Variants in GAK observed in about 807,000 individuals in gnomAD.
The protein encoded by GAK is cyclin-G-associated kinase.
GAK carries 79 observed loss-of-function variants against 143.9 expected under a neutral mutation model. That is an observed-to-expected ratio of 0.55 (90% CI 0.46 to 0.66). The LOEUF is 0.66. Ranked by LOEUF, GAK falls within the 30% of genes least tolerant of loss-of-function variation. The probability of loss-of-function intolerance (pLI) is 0.00; values close to 1 mark genes in which losing one functional copy is unlikely to be tolerated. For missense variants in GAK, 1,693 were observed against 1,779.7 expected (o/e 0.95, Z 0.88); for synonymous variants, 881 against 765.5 (o/e 1.15, Z -2.49).
intron 11 of GAK, chr4:888,043 T>C (rs1216894808): frequency 6.6e-6 from 1 of 152,278 alleles, no homozygotes; most frequent in Non-Finnish European, 1.5e-5. Context: ...GTCTACCTGG[T>C]GCTGGGGACA....
At chr4:896,665 C>T in intron 6 of GAK, 116 bp from the exon 7 acceptor site, 1 of 786,054 alleles carries the variant, frequency 1.3e-6, no homozygotes, top group Non-Finnish European at 2.2e-6. Flanking sequence ...GCAGCCTGTC[C>T]CGCACACTAT....
intron 1 of GAK, among the ~76,000 whole-genome samples, chr4:921,616 T>C (rs1723939031): frequency 6.6e-6 from 1 of 151,348 alleles, no homozygotes; most frequent in African/African-American, 2.4e-5. Context: ...CAAGGCGTGA[T>C]TCGTAAAAGG....
rs886075909 is a variant in GAK, at chr4:890,427, A to T, written c.1081+105T>A. 5.3e-6 allele frequency: 4 copies of T among 751,558 alleles called. No homozygotes were observed. The East Asian group carries it at 1.1e-4, about 22-fold the overall frequency. 46.6% of individuals were successfully genotyped at this position (751,558 alleles called of 1,614,324 possible). A position where few individuals can be genotyped will look rare whatever the true frequency, so the allele number is the denominator to read the frequency against. Reference sequence around the variant, plus strand: ...TCACAGTCATCTCTGGTGGGAGAGGAGGCCCCGGGAGAGAAGGACCCCAGA... The same window carrying T: ...TCACAGTCATCTCTGGTGGGAGAGGTGGCCCCGGGAGAGAAGGACCCCAGA... On this transcript the variant is annotated intron_variant, in intron 10 of 27. Coordinates refer to ENST00000314167, the MANE Select transcript of GAK (RefSeq NM_005255.4).
At chr4:900,505 C>T (rs1719668452) in intron 5 of GAK, among the ~76,000 whole-genome samples, 1 of 152,112 alleles carries the variant, frequency 6.6e-6, no homozygotes, top group Non-Finnish European at 1.5e-5. Flanking sequence ...AAAATACACA[C>T]TCAAGCCCCG....
At chr4:881,227 T>G (rs750265395) in intron 15 of GAK, among the ~76,000 whole-genome samples, 12 of 152,166 alleles carry the variant, frequency 7.9e-5, no homozygotes, top group Non-Finnish European at 1.5e-4. Context: ...GGCCGGCCTT[T>G]GCTCCTGGGC....
In GAK at chr4:851,093, G is replaced by T. The variant is rs778916468; in HGVS notation, c.3509-9C>A. ...GACTTTTGGCTTTTGAGCTAGAAAA[G>T]AACAGAAACTTTTTTTTGTTTGAGA... On this transcript the variant is annotated splice_polypyrimidine_tract_variant and intron_variant, in intron 25 of 27. Coordinates refer to ENST00000314167, the MANE Select transcript of GAK (RefSeq NM_005255.4). The T allele has an allele frequency of 6.2e-7, 1 of 1,611,804 alleles. No homozygotes were observed. Among genetic ancestry groups the T allele is most frequent in the Non-Finnish European group, 8.5e-7 (1 of 1,179,002 alleles).
intron 1 of GAK, 80 bp downstream of exon 1, chr4:931,963 C>A: frequency 9.5e-7 from 1 of 1,057,134 alleles, no homozygotes. Context: ...CACGCCCTTC[C>A]ACTCCGGGCT....
chr4:892,418 C>A (rs970517239), intron 9 of GAK, among the ~76,000 whole-genome samples: 4 of 152,226 alleles, frequency 2.6e-5, no homozygotes, highest in African/African-American at 9.6e-5. Context: ...GGCCGGGCCG[C>A]GTGTCTGCTC....
intron 4 of GAK, 48 bp from the exon 5 acceptor site, chr4:904,827 G>GACAGGGAA: frequency 6.3e-7 from 1 of 1,592,510 alleles, no homozygotes; most frequent in Non-Finnish European, 8.6e-7. Context: ...AGGGTCCGGA[G>GACAGGGAA]ACAGGGAACC....
intron 12 of GAK, 127 bp from the exon 13 acceptor site, chr4:883,590 C>A (rs1715621648): frequency 1.9e-6 from 2 of 1,074,682 alleles, no homozygotes; most frequent in South Asian, 1.4e-5. Context: ...CAGCCACTGC[C>A]CACACAGCCG....
intron 24 of GAK, among the ~76,000 whole-genome samples, chr4:856,601 G>GCTCACCACAGGTGCTCACAC (rs1749305591): frequency 1.0e-5 from 1 of 99,092 alleles, no homozygotes; most frequent in Non-Finnish European, 2.0e-5. Context: ...GGTGCTCACA[G>GCTCACCACAGGTGCTCACAC]CTGCTCACCA....
chr4:889,007 T>G, intron 10 of GAK, 37 bp from the exon 11 acceptor site: 1 of 1,592,026 alleles, frequency 6.3e-7, no homozygotes, highest in Non-Finnish European at 8.5e-7. Flanking sequence ...CCCCAGGTGC[T>G]CGGTCCCACC....
intron 23 of GAK, among the ~76,000 whole-genome samples, chr4:862,841 T>C (rs1750541508): frequency 6.6e-6 from 1 of 152,194 alleles, no homozygotes; most frequent in Non-Finnish European, 1.5e-5. Context: ...ATACGGACAA[T>C]GCAGCTGGTC....
intron 11 of GAK, chr4:887,808 A>C (rs909366738): frequency 3.9e-5 from 6 of 152,450 alleles, no homozygotes; most frequent in African/African-American, 1.4e-4. Flanking sequence ...AGCTCACACA[A>C]GGATTCACAA....
At chr4:931,733 G>C (rs1456459172) in intron 1 of GAK, among the ~76,000 whole-genome samples, 1 of 152,064 alleles carries the variant, frequency 6.6e-6, no homozygotes, top group Non-Finnish European at 1.5e-5. Context: ...CCCTGAGGGG[G>C]TTCCCCAAGC....
chr4:900,154 C>A (rs1371029772), intron 5 of GAK, among the ~76,000 whole-genome samples: 1 of 152,234 alleles, frequency 6.6e-6, no homozygotes, highest in Non-Finnish European at 1.5e-5. Context: ...CTACAGCCAA[C>A]AGAGACGAAG....
chr4:882,053 GAC>G lies in GAK; in HGVS notation c.1528-15_1528-14del. On this transcript the variant is annotated splice_polypyrimidine_tract_variant and intron_variant, in intron 14 of 27. Transcript: ENST00000314167. ...CGGCTCTCCCGTCCTAGGACAGACA[GAC>G]ACGTCTCGCGTGCGCCTCGCACTCA... is the stretch of plus-strand genomic sequence containing the variant. 2 of 1,592,644 alleles carry G rather than the reference GAC, an allele frequency of 1.3e-6. No individual in the cohort carries two copies. The highest frequency in any genetic ancestry group is 1.7e-6 in the Non-Finnish European group (2 of 1,169,288).
At chr4:928,468 C>A (rs1725188072) in intron 1 of GAK, among the ~76,000 whole-genome samples, 1 of 152,186 alleles carries the variant, frequency 6.6e-6, no homozygotes, top group South Asian at 2.1e-4. Context: ...GAGTTCAAGG[C>A]TGCAGTGAGT....
intron 22 of GAK, 57 bp from the exon 23 acceptor site, chr4:865,301 T>G: frequency 6.2e-7 from 1 of 1,607,758 alleles, no homozygotes; most frequent in Non-Finnish European, 8.5e-7. Flanking sequence ...CAGGCAAATG[T>G]GGCGGGGCGC....
Sources: allele counts gnomAD v4.1 joint callset (sites outside exome capture counted in the v4.1 genomes callset), GRCh38; gene constraint gnomAD v4.1.1; transcripts MANE v1.5; gene names NCBI Gene and HGNC (gene_info 2026-07-23, HGNC 2026-07-21).